Variants in EIF2AK1 observed in about 807,000 individuals in gnomAD.
EIF2AK1 encodes the protein eukaryotic translation initiation factor 2-alpha kinase 1.
A neutral mutation model predicts 77.9 loss-of-function variants in EIF2AK1; 54 were observed. The ratio of observed to expected loss-of-function variants is 0.69; its 90% CI spans 0.56 to 0.87. The LOEUF is 0.87. Ranked by LOEUF, EIF2AK1 falls within the 40% of genes least tolerant of loss-of-function variation. The probability of loss-of-function intolerance (pLI) is 0.00; values close to 1 mark genes in which losing one functional copy is unlikely to be tolerated. For missense variants in EIF2AK1, 810 were observed against 768.6 expected (o/e 1.05, Z -0.64); for synonymous variants, 314 against 290.5 (o/e 1.08, Z -0.82).
chr7:6,025,247 C>A (rs1198177123), intron 14 of EIF2AK1, among the ~76,000 whole-genome samples: 2 of 152,162 alleles, frequency 1.3e-5, no homozygotes, highest in African/African-American at 4.8e-5. Context: ...TCAGAAAATC[C>A]CCTTCATATA....
At position 6,050,838 on chromosome 7, in the gene EIF2AK1, C is replaced by T. The variant is rs530867522; in HGVS notation, c.278-793G>A. Among the ~76,000 whole-genome samples the T allele has an allele frequency of 5.3e-5, 8 of 151,540 alleles. No homozygotes were observed. The South Asian group carries it at 1.0e-3, about 20-fold the overall frequency. ...CAGGATGGTCTCGATCTCCTGACCT[C>T]GTGATCCACCCACCTTGGCCTCCCT... On this transcript the variant is annotated intron_variant, in intron 2 of 14. Transcript: ENST00000199389.
intron 14 of EIF2AK1, among the ~76,000 whole-genome samples, chr7:6,025,196 A>G (rs1787706095): frequency 6.6e-6 from 1 of 152,164 alleles, no homozygotes; most frequent in Non-Finnish European, 1.5e-5. Flanking sequence ...TACCATAAAT[A>G]CTAAATAACT....
chr7:6,034,307 A>G (rs1788008225), intron 11 of EIF2AK1, among the ~76,000 whole-genome samples: 1 of 152,032 alleles, frequency 6.6e-6, no homozygotes, highest in East Asian at 1.9e-4. Context: ...ACTCCATCTC[A>G]AAATAATAAT....
At chr7:6,050,340 G>A (rs542332633) in intron 2 of EIF2AK1, among the ~76,000 whole-genome samples, 4 of 151,860 alleles carry the variant, frequency 2.6e-5, no homozygotes, top group Non-Finnish European at 5.9e-5. Flanking sequence ...GATTACAGGC[G>A]TGTGCCACCA....
At chr7:6,058,876 C>T (rs1788871302) in intron 1 of EIF2AK1, 90 bp downstream of exon 1, 8 of 1,209,658 alleles carry the variant, frequency 6.6e-6, no homozygotes, top group Non-Finnish European at 7.8e-6. Flanking sequence ...TCGCCCAGGT[C>T]CTCAGGCAAA....
chr7:6,023,698 G>A lies in EIF2AK1; in HGVS notation c.*975C>T, dbSNP rs199673160. ...CCTCAAGCTCCTTAAGTGAATTGCC[G>A]TAACTGATTTTAAAGGGTTTAGATT... On this transcript the variant is annotated 3_prime_UTR_variant, in exon 15 of 15. Transcript: ENST00000199389. The A allele has an allele frequency of 3.2e-4, 520 of 1,614,038 alleles. 1 individual carries two copies. The African/African-American group carries it at 5.4e-3, about 17-fold the overall frequency.
chr7:6,029,555 GGT>G (rs1787842414), intron 11 of EIF2AK1, among the ~76,000 whole-genome samples: 1 of 151,824 alleles, frequency 6.6e-6, no homozygotes, highest in Non-Finnish European at 1.5e-5. Flanking sequence ...AACTCCTGCG[GGT>G]GAACGCAAGC....
intron 1 of EIF2AK1, among the ~76,000 whole-genome samples, chr7:6,057,126 CT>C (rs34958065): frequency 0.065 from 5,946 of 90,782 alleles, 121 homozygotes; most frequent in East Asian, 0.25. Context: ...GACCCCATCT[CT>C]TTTTTTTTTT....
chr7:6,036,468 C>G lies in EIF2AK1; in HGVS notation c.1332+956G>C. 2.1e-6 allele frequency: 2 copies of G among 971,966 alleles called. No individual in the cohort carries two copies. Among genetic ancestry groups the G allele is most frequent in the South Asian group, 4.2e-5 (2 of 48,068 alleles). 60.2% of individuals were successfully genotyped at this position (971,966 alleles called of 1,614,324 possible). On this transcript the variant is annotated intron_variant, in intron 11 of 14. Transcript: ENST00000199389. This position sits in a 1 kb window ranked among gnomAD's most constrained non-coding sequence, Gnocchi z 4.6. The stretch of plus-strand genomic sequence containing the variant: ...CTGGCTAGACATGTCCCAGAAAATG[C>G]TTCACCTATCACCTGTGACATCCCA...
At chr7:6,043,609 A>T (rs1788359735) in intron 7 of EIF2AK1, among the ~76,000 whole-genome samples, 1 of 151,082 alleles carries the variant, frequency 6.6e-6, no homozygotes, top group Admixed American at 6.6e-5. Flanking sequence ...TTGTATTTTT[A>T]TTAGAGATGG....
chr7:6,029,668 T>C (rs1036739401), intron 11 of EIF2AK1, among the ~76,000 whole-genome samples: 5 of 152,072 alleles, frequency 3.3e-5, no homozygotes, highest in Admixed American at 1.3e-4. Context: ...CTGCACATCA[T>C]TACCCAAGAA....
At chr7:6,058,291 C>T in intron 1 of EIF2AK1, 3 of 386,026 alleles carry the variant, frequency 7.8e-6, no homozygotes, top group South Asian at 3.9e-5. Context: ...GTGGTGTGCA[C>T]CTGTGGTCCC....
rs79921238 is a variant in EIF2AK1, at chr7:6,054,794, A to G, written c.119-90T>C. 908 of 1,294,496 alleles carry G rather than the reference A, an allele frequency of 7.0e-4. 11 individuals are homozygous for G. The East Asian group carries it at 0.021, about 30-fold the overall frequency. 80.2% of individuals were successfully genotyped at this position (1,294,496 alleles called of 1,614,324 possible). On this transcript the variant is annotated intron_variant, in intron 1 of 14. Transcript: ENST00000199389. ...TATATTCTAATTAATGAAACATGAAATATTTAAATGTAAGCAGATAAAAAC... is the reference window on the plus strand; with the variant it reads ...TATATTCTAATTAATGAAACATGAAGTATTTAAATGTAAGCAGATAAAAAC...
intron 14 of EIF2AK1, among the ~76,000 whole-genome samples, chr7:6,025,677 C>T (rs548425929): frequency 2.0e-5 from 3 of 152,234 alleles, no homozygotes; most frequent in East Asian, 1.9e-4. Flanking sequence ...GCTCTTTCGC[C>T]GAGGCTGGAG....
chr7:6,059,105 AGCCCAGCCCGCC>A lies in EIF2AK1; in HGVS notation c.-34_-23del. Reference sequence around the variant, plus strand: ...GCATCGCCGGCCGCGCGCGGGCCGCAGCCCAGCCCGCCGGCCAGCCCAGCACTGCCACACTCC... The same window carrying A: ...GCATCGCCGGCCGCGCGCGGGCCGCAGGCCAGCCCAGCACTGCCACACTCC... On this transcript the variant is annotated 5_prime_UTR_variant, in exon 1 of 15. Coordinates refer to ENST00000199389, the MANE Select transcript of EIF2AK1 (RefSeq NM_014413.4). 1.5e-6 allele frequency: 2 copies of A among 1,352,160 alleles called. No individual in the cohort carries two copies. The highest frequency in any genetic ancestry group is 1.9e-6 in the Non-Finnish European group (2 of 1,054,248). The allele number at this position is 1,352,160 out of a possible 1,614,324, so 83.8% of individuals were successfully genotyped here.
intron 14 of EIF2AK1, among the ~76,000 whole-genome samples, chr7:6,025,052 C>T (rs983164261): frequency 3.3e-5 from 5 of 151,892 alleles, no homozygotes; most frequent in South Asian, 2.1e-4. Context: ...TTGGCCAGGC[C>T]GGTCTCAAAC....
chr7:6,044,473 G>T, intron 7 of EIF2AK1, 89 bp downstream of exon 7: 1 of 1,010,778 alleles, frequency 9.9e-7, no homozygotes, highest in Non-Finnish European at 1.5e-6. Context: ...TCAGCTTGTG[G>T]TATGTACAAA....
intron 14 of EIF2AK1, among the ~76,000 whole-genome samples, chr7:6,025,785 C>T (rs1787728593): frequency 6.6e-6 from 1 of 151,966 alleles, no homozygotes; most frequent in African/African-American, 2.4e-5. Flanking sequence ...CAGGTGTGCA[C>T]CACCACGCCC....
At chr7:6,031,444 C>T in intron 11 of EIF2AK1, 2 of 1,550,744 alleles carry the variant, frequency 1.3e-6, no homozygotes, top group African/African-American at 1.4e-5. Context: ...TGGAAGATGG[C>T]CCATCTGCAG....
Sources: allele counts gnomAD v4.1 joint callset (sites outside exome capture counted in the v4.1 genomes callset), GRCh38; gene constraint gnomAD v4.1.1; non-coding constraint Gnocchi (gnomAD v3.1); transcripts MANE v1.5; gene names NCBI Gene and HGNC (gene_info 2026-07-23, HGNC 2026-07-21).